The following CTSS variants were observed in gnomAD, a reference collection of about 807,000 sequenced individuals.
CTSS encodes the protein cathepsin S.
CTSS carries 15 observed loss-of-function variants against 39.9 expected under a neutral mutation model. The observed-to-expected ratio is 0.38, with a 90% CI of 0.25 to 0.58. The LOEUF (loss-of-function observed/expected upper bound fraction) is 0.58, where lower values mean the gene tolerates loss of function less well. Among genes scored for constraint, CTSS ranks in the 20% least tolerant of loss-of-function variants. The probability of loss-of-function intolerance (pLI) is 0.70; values close to 1 mark genes in which losing one functional copy is unlikely to be tolerated. For synonymous variants in CTSS, 126 were observed against 138.2 expected (o/e 0.91, Z 0.62); for missense variants, 250 against 398.2 (o/e 0.63, Z 3.17).
In CTSS at chr1:150,759,797, C is replaced by A. The variant is rs1332393093; in HGVS notation, c.127-1817G>T. 2.6e-5 allele frequency among the ~76,000 whole-genome samples: 4 copies of A among 152,090 alleles called. No individual in the cohort carries two copies. In the South Asian group the frequency reaches 8.3e-4, roughly 31 times the overall value. On this transcript the variant is annotated intron_variant, in intron 2 of 7. Transcript: ENST00000368985. ...AGCCAGAGTTTCCAATAAGCTGGAACCCCAGGGAGCAGTCAGCAACAACTG... is the reference window on the plus strand; with the variant it reads ...AGCCAGAGTTTCCAATAAGCTGGAAACCCAGGGAGCAGTCAGCAACAACTG...
chr1:150,764,062 C>A (rs971065160), intron 2 of CTSS, among the ~76,000 whole-genome samples: 1 of 151,980 alleles, frequency 6.6e-6, no homozygotes, highest in South Asian at 2.1e-4. Context: ...ACTCTCCATG[C>A]CTTCTGTTAT....
intron 5 of CTSS, among the ~76,000 whole-genome samples, chr1:150,751,362 T>C (rs1320205800): frequency 2.0e-5 from 3 of 152,032 alleles, no homozygotes; most frequent in Non-Finnish European, 2.9e-5. Context: ...ATTCTCCTGC[T>C]TCAGCCTCCC....
chr1:150,757,956 T>A lies in CTSS; in HGVS notation c.151A>T (p.Ile51Phe). The A allele has an allele frequency of 6.2e-7, 1 of 1,614,012 alleles. No individual in the cohort carries two copies. The highest frequency in any genetic ancestry group is 8.5e-7 in the Non-Finnish European group (1 of 1,179,964). ...EKNEEAVRRLIWEKNLKFVML... is the reference protein window; with the variant it reads ...EKNEEAVRRLFWEKNLKFVML... ...ACAAACTTTAGATTCTTTTCCCAGA[T>A]GAGACGTCGTACTGCTTCTTCATTC... is the stretch of plus-strand genomic sequence containing the variant. The change falls in exon 3 of 8, where the codon ATC becomes TTC. Residue 51 changes from isoleucine (I) to phenylalanine (F), a missense_variant. By Grantham distance (21) the Ile-to-Phe change is conservative. Coordinates refer to ENST00000368985, the MANE Select transcript of CTSS (RefSeq NM_004079.5).
Position 150,757,884 on chromosome 1 carries a change from G to C in CTSS, c.223C>G (p.Leu75Val). The change falls in exon 3 of 8, where the codon CTG (leucine) becomes GTG (valine). Residue 75 changes from leucine (L) to valine (V), a missense_variant. Coordinates refer to ENST00000368985, the MANE Select transcript of CTSS (RefSeq NM_004079.5). The stretch of plus-strand genomic sequence containing the variant: ...ATGTCTCCCAGGTGGTTCATGCCCA[G>C]ATCGTATGAGTGCATTCCCATTGAA... ...EHSMGMHSYD[L>V]GMNHLGDMTS... The C allele has an allele frequency of 6.2e-7, 1 of 1,613,954 alleles. No homozygotes were observed.
intron 2 of CTSS, among the ~76,000 whole-genome samples, chr1:150,763,613 T>C (rs1653307281): frequency 6.6e-6 from 1 of 152,128 alleles, no homozygotes; most frequent in African/African-American, 2.4e-5. Flanking sequence ...TTAGAGTGTA[T>C]GACCTAAGAG....
At chr1:150,742,043 C>A (rs1190381380) in intron 7 of CTSS, among the ~76,000 whole-genome samples, 2 of 151,988 alleles carry the variant, frequency 1.3e-5, no homozygotes, top group African/African-American at 4.8e-5. Context: ...TCGAGATCAT[C>A]CTGGCCAACA....
In CTSS at chr1:150,751,930, C is replaced by T. The variant is rs768615221; in HGVS notation, c.478G>A (p.Val160Met). The T allele has an allele frequency of 6.2e-7, 1 of 1,614,184 alleles. No individual in the cohort carries two copies. Among genetic ancestry groups the T allele is most frequent in the Non-Finnish European group, 8.5e-7 (1 of 1,180,036 alleles). Residue 160 changes from valine to methionine, a missense_variant, in exon 5 of 8, where the codon GTG (valine) becomes ATG (methionine). Val to Met is a conservative substitution (Grantham distance 21, BLOSUM62 1). Coordinates refer to ENST00000368985, the MANE Select transcript of CTSS (RefSeq NM_004079.5). ...AQLKLKTGKL[V>M]SLSAQNLVDC... ...ACCAGGTTCTGGGCACTGAGAGACA[C>T]CAGCTTTCCTGTTTTCAGCTTCAGC...
At chr1:150,750,686 G>C (rs1425651385) in intron 5 of CTSS, among the ~76,000 whole-genome samples, 2 of 151,904 alleles carry the variant, frequency 1.3e-5, no homozygotes, top group Non-Finnish European at 2.9e-5. Flanking sequence ...GTCCAGGCTG[G>C]AGTGCAGTAG....
intron 2 of CTSS, among the ~76,000 whole-genome samples, chr1:150,759,694 T>A (rs1463710691): frequency 1.3e-5 from 2 of 152,224 alleles, no homozygotes; most frequent in Non-Finnish European, 2.9e-5. Context: ...GACGATTTTC[T>A]TGTCCTTCAG....
At chr1:150,763,247 T>C (rs1653301613) in intron 2 of CTSS, among the ~76,000 whole-genome samples, 1 of 151,928 alleles carries the variant, frequency 6.6e-6, no homozygotes, top group African/African-American at 2.4e-5. Flanking sequence ...GTTGAACTCA[T>C]AAAAGTAGAG....
At chr1:150,758,429 C>T (rs929679999) in intron 2 of CTSS, among the ~76,000 whole-genome samples, 2 of 152,132 alleles carry the variant, frequency 1.3e-5, no homozygotes, top group Non-Finnish European at 2.9e-5. Context: ...TCCAATATAA[C>T]TGCTAACTTC....
intron 4 of CTSS, among the ~76,000 whole-genome samples, chr1:150,754,410 G>T (rs755331967): frequency 2.9e-4 from 44 of 150,418 alleles, no homozygotes; most frequent in Non-Finnish European, 5.3e-4. Context: ...CACTACGCCC[G>T]GCCCTCCCTT....
chr1:150,731,716 G>A lies in CTSS; in HGVS notation c.*1330C>T, dbSNP rs962640698. 8 of 152,130 alleles carry A rather than the reference G, an allele frequency of 5.3e-5. No individual in the cohort carries two copies. Among genetic ancestry groups the A allele is most frequent in the African/African-American group, 1.9e-4 (8 of 41,438 alleles). 9.4% of individuals were successfully genotyped at this position (152,130 alleles called of 1,614,324 possible). ...ATCCATCTGAATTAGATAAAAATAT[G>A]AGCAGTGGAGTATTGGTTATTTTAT... On this transcript the variant is annotated 3_prime_UTR_variant, in exon 8 of 8. Transcript: ENST00000368985.
chr1:150,765,052 C>T (rs587711155), intron 1 of CTSS, among the ~76,000 whole-genome samples: 7 of 150,824 alleles, frequency 4.6e-5, no homozygotes, highest in Admixed American at 4.6e-4. Flanking sequence ...AGGGACTTTC[C>T]AGGATTTGCC....
intron 7 of CTSS, among the ~76,000 whole-genome samples, chr1:150,744,693 T>A (rs1652857267): frequency 6.9e-6 from 1 of 144,474 alleles, no homozygotes; most frequent in South Asian, 2.1e-4. Flanking sequence ...ATATGTATTG[T>A]ATATTATGTA....
intron 2 of CTSS, among the ~76,000 whole-genome samples, chr1:150,761,788 A>G (rs1653270804): frequency 1.3e-5 from 2 of 152,164 alleles, no homozygotes; most frequent in South Asian, 2.1e-4. Context: ...AAATAAATAA[A>G]TGGGAAGATA....
intron 7 of CTSS, among the ~76,000 whole-genome samples, chr1:150,737,359 C>A (rs1039277795): frequency 2.6e-5 from 4 of 152,162 alleles, no homozygotes; most frequent in African/African-American, 7.2e-5. Flanking sequence ...ACCTCGGCCT[C>A]CCAAAGTGCT....
intron 7 of CTSS, among the ~76,000 whole-genome samples, chr1:150,742,047 GCCAACATGGTGAAACTCCAT>G (rs1266328779): frequency 2.0e-5 from 3 of 151,962 alleles, no homozygotes; most frequent in Admixed American, 2.0e-4. Flanking sequence ...GATCATCCTG[GCCAACATGGTGAAACTCCAT>G]CCAACATGGT....
intron 4 of CTSS, 138 bp downstream of exon 4, chr1:150,754,863 A>T: frequency 1.1e-6 from 1 of 872,684 alleles, no homozygotes; most frequent in Non-Finnish European, 1.7e-6. Flanking sequence ...CTTATAATTT[A>T]GTTGGGAAGA....
Sources: gnomAD v4.1 joint callset for allele counts (sites outside exome capture counted in the v4.1 genomes callset) on GRCh38, gnomAD v4.1.1 for gene constraint, MANE v1.5 for transcripts, NCBI Gene and HGNC (gene_info 2026-07-23, HGNC 2026-07-21) for gene names.